Variants in AKAP13 observed in about 807,000 individuals in gnomAD.
AKAP13 encodes A-kinase anchor protein 13.
A neutral mutation model predicts 264.5 loss-of-function variants in AKAP13; 80 were observed. The ratio of observed to expected loss-of-function variants is 0.30; its 90% CI spans 0.25 to 0.36. The LOEUF is 0.36. Ranked by LOEUF, AKAP13 falls within the 10% of genes least tolerant of loss-of-function variation. The pLI is 1.00. For missense variants in AKAP13, 3,712 were observed against 3,435.2 expected (o/e 1.08, Z -2.01); for synonymous variants, 1,380 against 1,250.2 (o/e 1.10, Z -2.19).
chr15:85,562,752 A>G (rs1292856340), intron 5 of AKAP13, among the ~76,000 whole-genome samples: 22 of 129,872 alleles, frequency 1.7e-4, no homozygotes, highest in Non-Finnish European at 2.3e-4. Flanking sequence ...CTGGAGTGCA[A>G]TGGCGCGACC....
At chr15:85,483,147 T>C (rs1216979812) in intron 1 of AKAP13, among the ~76,000 whole-genome samples, 1 of 152,228 alleles carries the variant, frequency 6.6e-6, no homozygotes, top group Non-Finnish European at 1.5e-5. Flanking sequence ...TCAGTTAAAT[T>C]GATGTTTGTG....
intron 9 of AKAP13, among the ~76,000 whole-genome samples, chr15:85,641,396 A>G (rs570774350): frequency 1.0e-4 from 15 of 150,588 alleles, no homozygotes; most frequent in Non-Finnish European, 1.6e-4. Flanking sequence ...CAGTGAGCCA[A>G]GATCATGCCA....
intron 1 of AKAP13, among the ~76,000 whole-genome samples, chr15:85,439,154 G>A (rs2073490957): frequency 6.6e-6 from 1 of 152,072 alleles, no homozygotes; most frequent in African/African-American, 2.4e-5. Context: ...CAAAAAGTGG[G>A]CGAAGGACAT....
intron 3 of AKAP13, among the ~76,000 whole-genome samples, chr15:85,524,875 C>CTGTGTG (rs61626116): frequency 0.12 from 17,451 of 147,218 alleles, 2,754 homozygotes; most frequent in African/African-American, 0.37. Flanking sequence ...CCCCATTCCC[C>CTGTGTG]TGTGTGTGTG....
chr15:85,741,423 G>C lies in AKAP13; in HGVS notation c.7986G>C (p.Glu2662Asp). The C allele has an allele frequency of 1.1e-5, 18 of 1,612,232 alleles. No homozygotes were observed. The highest frequency in any genetic ancestry group is 1.4e-5 in the Non-Finnish European group (17 of 1,178,582). The change falls in exon 35 of 37, where the codon GAG (glutamate) becomes GAC (aspartate). Residue 2662 changes from glutamate (E) to aspartate (D), a missense_variant. Around this residue, in one of 3 missense-constraint regions of AKAP13, gnomAD observed 611 missense variants for 539.3 expected, o/e 1.13. Coordinates refer to ENST00000394518, the MANE Select transcript of AKAP13 (RefSeq NM_007200.5). ...TGCGTGCTGCCCAGAAACAGCTTGAGAGGGAACAGGAGCAGCTGCGCCGGG... is the reference window on the plus strand; with the variant it reads ...TGCGTGCTGCCCAGAAACAGCTTGACAGGGAACAGGAGCAGCTGCGCCGGG... ...ERLRAAQKQLEREQEQLRREA... is the reference protein window; with the variant it reads ...ERLRAAQKQLDREQEQLRREA...
intron 30 of AKAP13, among the ~76,000 whole-genome samples, chr15:85,734,113 A>C (rs1264160989): frequency 6.6e-6 from 1 of 151,834 alleles, no homozygotes; most frequent in Non-Finnish European, 1.5e-5. Context: ...GATTACAGGC[A>C]TGAGCCACTG....
At chr15:85,486,257 T>G (rs1567082233) in intron 2 of AKAP13, among the ~76,000 whole-genome samples, 1 of 152,146 alleles carries the variant, frequency 6.6e-6, no homozygotes, top group Non-Finnish European at 1.5e-5. Flanking sequence ...CACAAAAATT[T>G]TCAGTTTTGA....
chr15:85,411,054 T>C (rs6497112), intron 1 of AKAP13, among the ~76,000 whole-genome samples: 41,544 of 152,104 alleles, frequency 0.27, 7,744 homozygotes, highest in African/African-American at 0.52. Context: ...CCTGAGACTC[T>C]TTCAGTGAGT....
At position 85,743,769 on chromosome 15, in the gene AKAP13, CAAAGGAAAAGAAGGA is replaced by C; in HGVS notation, c.8337_8351del (p.Glu2781_Lys2785del). On this transcript the variant is annotated inframe_deletion, in exon 36 of 37. Transcript: ENST00000394518. ...ACCCGCCTGTTTGGGTTAACAAAGC[CAAAGGAAAAGAAGGA>C]GAAAAAAAAGAAGAACAAAACCAGC... The C allele has an allele frequency of 6.2e-7, 1 of 1,613,310 alleles. No homozygotes were observed. Among genetic ancestry groups the C allele is most frequent in the Non-Finnish European group, 8.5e-7 (1 of 1,179,818 alleles).
At chr15:85,710,375 G>T in intron 18 of AKAP13, 1 of 491,380 alleles carries the variant, frequency 2.0e-6, no homozygotes, top group South Asian at 3.0e-5. Context: ...ATTCCAGGCA[G>T]GATAGACAGC....
chr15:85,442,957 C>T (rs1263517317), intron 1 of AKAP13, among the ~76,000 whole-genome samples: 1 of 152,120 alleles, frequency 6.6e-6, no homozygotes, highest in East Asian at 1.9e-4. Context: ...AAATTTGTTT[C>T]CTCTCTTCAT....
intron 29 of AKAP13, among the ~76,000 whole-genome samples, chr15:85,728,447 A>G (rs2087750282): frequency 6.6e-6 from 1 of 152,164 alleles, no homozygotes; most frequent in African/African-American, 2.4e-5. Flanking sequence ...CCTTCTTTAA[A>G]TTTTGTCAAG....
At chr15:85,444,344 G>C (rs1002674097) in intron 1 of AKAP13, among the ~76,000 whole-genome samples, 8 of 152,162 alleles carry the variant, frequency 5.3e-5, no homozygotes, top group African/African-American at 1.7e-4. Flanking sequence ...GCCCCTTCCA[G>C]ATTTCACCTT....
At chr15:85,403,466 C>T (rs1396635660) in intron 1 of AKAP13, among the ~76,000 whole-genome samples, 1 of 152,178 alleles carries the variant, frequency 6.6e-6, no homozygotes, top group East Asian at 1.9e-4. Context: ...TATCACATTT[C>T]CCAGCCTATT....
intron 1 of AKAP13, among the ~76,000 whole-genome samples, chr15:85,483,327 A>G (rs533473675): frequency 2.6e-5 from 4 of 152,190 alleles, no homozygotes; most frequent in African/African-American, 9.7e-5. Flanking sequence ...ACAAATTCGT[A>G]AACTGTCTTA....
At chr15:85,438,257 A>C (rs12443225) in intron 1 of AKAP13, among the ~76,000 whole-genome samples, 2,608 of 109,850 alleles carry the variant, frequency 0.024, 13 homozygotes, top group African/African-American at 0.041. Context: ...ATCCAACTTA[A>C]AAGGGATGTG....
chr15:85,686,207 G>GT (rs397782004), intron 16 of AKAP13, among the ~76,000 whole-genome samples: 2 of 150,932 alleles, frequency 1.3e-5, no homozygotes, highest in Non-Finnish European at 3.0e-5. Flanking sequence ...GTGTGTGTGT[G>GT]GTATATACAT....
chr15:85,726,851 C>G, intron 27 of AKAP13: 1 of 586,176 alleles, frequency 1.7e-6, no homozygotes, highest in Non-Finnish European at 2.9e-6. Flanking sequence ...ATGACTGGAA[C>G]CTTTAGAGCC....
intron 26 of AKAP13, among the ~76,000 whole-genome samples, chr15:85,725,296 G>T (rs1350154722): frequency 6.6e-6 from 1 of 151,808 alleles, no homozygotes; most frequent in East Asian, 1.9e-4. Flanking sequence ...TTTGAAAGGG[G>T]TGGGATTGTT....
Sources: allele counts gnomAD v4.1 joint callset (sites outside exome capture counted in the v4.1 genomes callset), GRCh38; gene constraint gnomAD v4.1.1; regional missense constraint gnomAD v4.1.1; transcripts MANE v1.5; gene names NCBI Gene and HGNC (gene_info 2026-07-23, HGNC 2026-07-21).